The following ZNF721 variants were observed in gnomAD, a reference collection of about 807,000 sequenced individuals.
The protein encoded by ZNF721 is zinc finger protein 721.
A neutral mutation model predicts 2.4 loss-of-function variants in ZNF721; 2 were observed. The ratio of observed to expected loss-of-function variants is 0.82; its 90% CI spans 0.34 to 2.58. ZNF721 has a LOEUF of 2.58. Among genes scored for constraint, ZNF721 ranks in the 30% most tolerant of loss-of-function variants. The pLI is 0.11. For synonymous variants in ZNF721, 398 were observed against 381.8 expected, an observed-to-expected ratio of 1.04 and a Z score of -0.50; for missense variants, 1,187 against 1,085.5, an observed-to-expected ratio of 1.09 and a Z score of -1.31.
chr4:484,130 C>G (rs1362739963), intron 1 of ZNF721, among the ~76,000 whole-genome samples: 1 of 152,176 alleles, frequency 6.6e-6, no homozygotes, highest in African/African-American at 2.4e-5. Flanking sequence ...TAAATTAATA[C>G]TTTTGTAATT....
chr4:455,854 C>T (rs1355691631), intron 2 of ZNF721, among the ~76,000 whole-genome samples: 2 of 151,992 alleles, frequency 1.3e-5, no homozygotes, highest in African/African-American at 2.4e-5. Context: ...ACTTGAAAAC[C>T]TTTAGGCAAT....
intron 1 of ZNF721, among the ~76,000 whole-genome samples, chr4:486,549 G>A (rs1356987657): frequency 1.3e-5 from 2 of 152,164 alleles, no homozygotes; most frequent in African/African-American, 4.8e-5. Flanking sequence ...GCTCTTCAAA[G>A]CATACTCTGC....
intron 1 of ZNF721, among the ~76,000 whole-genome samples, chr4:477,430 G>C (rs781930343): frequency 6.6e-6 from 1 of 151,926 alleles, no homozygotes; most frequent in Non-Finnish European, 1.5e-5. Context: ...AGTAGAGACG[G>C]GGTCTCACCA....
intron 2 of ZNF721, among the ~76,000 whole-genome samples, chr4:450,948 AAAAAAAAAATATAT>A (rs1307215627): frequency 2.2e-5 from 1 of 46,412 alleles, no homozygotes; most frequent in African/African-American, 9.5e-5. Flanking sequence ...AAAAAAAAAA[AAAAAAAAAATATAT>A]ATATATATAT....
At chr4:450,610 G>A (rs1476063121) in intron 2 of ZNF721, among the ~76,000 whole-genome samples, 1 of 151,910 alleles carries the variant, frequency 6.6e-6, no homozygotes, top group Non-Finnish European at 1.5e-5. Flanking sequence ...TTCAAGGCAG[G>A]GCTTTAATTA....
At chr4:451,727 G>A (rs879990233) in intron 2 of ZNF721, among the ~76,000 whole-genome samples, 2 of 152,066 alleles carry the variant, frequency 1.3e-5, no homozygotes, top group South Asian at 2.1e-4. Flanking sequence ...CTCCCCTAAC[G>A]CATTTCCTGC....
chr4:490,204 C>T (rs1488422750), intron 1 of ZNF721, among the ~76,000 whole-genome samples: 9 of 144,486 alleles, frequency 6.2e-5, no homozygotes, highest in African/African-American at 1.5e-4. Context: ...CAGCCGGGTG[C>T]GGTGGCTCAC....
chr4:478,809 G>A (rs1344378269), intron 1 of ZNF721, among the ~76,000 whole-genome samples: 4 of 146,668 alleles, frequency 2.7e-5, no homozygotes, highest in Non-Finnish European at 4.5e-5. Flanking sequence ...TCACTTTGTC[G>A]CCCAGGCTGG....
chr4:481,197 C>A (rs1715762340), intron 1 of ZNF721, among the ~76,000 whole-genome samples: 1 of 152,190 alleles, frequency 6.6e-6, no homozygotes, highest in Non-Finnish European at 1.5e-5. Flanking sequence ...GTTGGAATTA[C>A]AGGCCAGAGC....
chr4:443,168 A>C lies in ZNF721; in HGVS notation c.1299T>G (p.Asn433Lys), dbSNP rs782351685. ...CTCCAGTATGAATTTTCTTATATTC[A>C]TTCAGGTTTGTGGACAATCCAAAGG... Reference protein sequence around the residue: ...GRAFGLSTNLNEYKKIHTGDK... With the variant: ...GRAFGLSTNLKEYKKIHTGDK... Residue 433 changes from asparagine (N) to lysine (K), a missense_variant, in exon 3 of 3, where the codon AAT becomes AAG. Asn to Lys is a moderately conservative substitution (Grantham distance 94). Coordinates refer to ENST00000511833, the MANE Select transcript of ZNF721 (RefSeq NM_133474.4). The C allele has an allele frequency of 1.2e-6, 2 of 1,613,780 alleles. No individual in the cohort carries two copies. Among genetic ancestry groups the C allele is most frequent in the African/African-American group, 1.3e-5 (1 of 74,934 alleles).
chr4:492,798 A>C (rs1174631114), intron 1 of ZNF721, among the ~76,000 whole-genome samples: 1 of 150,886 alleles, frequency 6.6e-6, no homozygotes, highest in African/African-American at 2.4e-5. Flanking sequence ...TACCAAAAAA[A>C]AAAAACAAAA....
At chr4:491,389 G>T (rs1238983423) in intron 1 of ZNF721, among the ~76,000 whole-genome samples, 1 of 152,226 alleles carries the variant, frequency 6.6e-6, no homozygotes, top group Non-Finnish European at 1.5e-5. Context: ...TTGCACTCCA[G>T]CCTGGGCAAC....
rs1553863897 is a variant in ZNF721, at chr4:444,262, T to G, written c.205A>C (p.Ile69Leu). 2 of 1,613,764 alleles carry G rather than the reference T, an allele frequency of 1.2e-6. No individual in the cohort carries two copies. Among genetic ancestry groups the G allele is most frequent in the South Asian group, 2.2e-5 (2 of 91,060 alleles). Residue 69 changes from isoleucine (I) to leucine (L), a missense_variant, in exon 3 of 3, where the codon ATT (isoleucine) becomes CTT (leucine). Transcript: ENST00000511833. ...TGAGTATTTGACAAGCATTTATTAA[T>G]TCCATTATAAACTCCCTTCTGCACT... ...CKVQKGVYNG[I>L]NKCLSNTQSK...
At chr4:482,006 T>C (rs1235064369) in intron 1 of ZNF721, among the ~76,000 whole-genome samples, 2 of 152,230 alleles carry the variant, frequency 1.3e-5, no homozygotes, top group Admixed American at 6.5e-5. Flanking sequence ...TATATATAAT[T>C]TTAATAGGAA....
chr4:441,727 T>C lies in ZNF721; in HGVS notation c.2740A>G (p.Ile914Val), dbSNP rs547643746. ...TGTATGGTTTTATCTCCAGTATGAATTTTCTTATGTGCATAAAGATTTGCA... is the reference window on the plus strand; with the variant it reads ...TGTATGGTTTTATCTCCAGTATGAACTTTCTTATGTGCATAAAGATTTGCA... The part of the protein sequence containing the change: ...QSANLYAHKK[I>V]HTGDKTIQV Residue 914 changes from isoleucine (I) to valine (V), a missense_variant, in exon 3 of 3, where the codon ATT becomes GTT. Transcript: ENST00000511833. The C allele has an allele frequency of 1.2e-6, 2 of 1,612,482 alleles. No homozygotes were observed. The highest frequency in any genetic ancestry group is 2.7e-5 in the African/African-American group (2 of 75,022).
intron 2 of ZNF721, among the ~76,000 whole-genome samples, chr4:446,851 C>T (rs114948915): frequency 0.015 from 2,223 of 152,110 alleles, 57 homozygotes; most frequent in African/African-American, 0.049. Flanking sequence ...CCACCACGCC[C>T]AGCAAATTTT....
At chr4:483,644 G>A (rs1278045750) in intron 1 of ZNF721, among the ~76,000 whole-genome samples, 1 of 152,070 alleles carries the variant, frequency 6.6e-6, no homozygotes, top group Non-Finnish European at 1.5e-5. Flanking sequence ...GGGCAAAAAC[G>A]GGTAGTTCTA....
intron 1 of ZNF721, among the ~76,000 whole-genome samples, chr4:497,574 C>G (rs114733819): frequency 2.1e-4 from 32 of 151,964 alleles, no homozygotes; most frequent in Non-Finnish European, 2.9e-4. Context: ...TAGGGAGTCA[C>G]GAGATATCAA....
Position 440,342 on chromosome 4 carries a change from G to A in ZNF721, c.*1353C>T, listed in dbSNP as rs1714189539. 1.3e-5 allele frequency: 2 copies of A among 152,260 alleles called. No individual in the cohort carries two copies. The highest frequency in any genetic ancestry group is 2.4e-5 in the African/African-American group (1 of 41,556). The allele number at this position is 152,260 out of a possible 1,614,324, so 9.4% of individuals were successfully genotyped here. A position where few individuals can be genotyped will look rare whatever the true frequency, so the allele number is the denominator to read the frequency against. On this transcript the variant is annotated 3_prime_UTR_variant, in exon 3 of 3. Coordinates refer to ENST00000511833, the MANE Select transcript of ZNF721 (RefSeq NM_133474.4). ...ATTTATCACATGCTTTCACATAAAT[G>A]AGAATGTTGAAATAGTATAATTTTA...
Sources: allele counts gnomAD v4.1 joint callset (sites outside exome capture counted in the v4.1 genomes callset), GRCh38; gene constraint gnomAD v4.1.1; transcripts MANE v1.5; gene names NCBI Gene and HGNC (gene_info 2026-07-23, HGNC 2026-07-21).